The following FAIM variants were observed in gnomAD, a reference collection of about 807,000 sequenced individuals.
The protein encoded by FAIM is fas apoptotic inhibitory molecule 1.
Under a neutral mutation model 21.2 loss-of-function variants are expected in FAIM, and 14 were observed. The observed-to-expected ratio is 0.66, with a 90% confidence interval of 0.44 to 1.03. The LOEUF (loss-of-function observed/expected upper bound fraction) is 1.03, where lower values mean the gene tolerates loss of function less well. Among genes scored for constraint, FAIM ranks in the 50% least tolerant of loss-of-function variants. The probability of loss-of-function intolerance (pLI) is 0.00; values close to 1 mark genes in which losing one functional copy is unlikely to be tolerated. For missense variants in FAIM, 222 were observed against 247.1 expected (o/e 0.90, Z 0.68); for synonymous variants, 86 against 80.4 (o/e 1.07, Z -0.37).
At chr3:138,619,592 A>C in intron 1 of FAIM, 119 bp from the exon 2 acceptor site, 1 of 790,318 alleles carries the variant, frequency 1.3e-6, no homozygotes, top group Non-Finnish European at 2.1e-6. Flanking sequence ...AACTCCATGT[A>C]ATTTAATAAA....
chr3:138,628,465 T>TA (rs374171013), intron 4 of FAIM, among the ~76,000 whole-genome samples: 1 of 149,074 alleles, frequency 6.7e-6, no homozygotes, highest in Non-Finnish European at 1.5e-5. Context: ...CATCCTTCTT[T>TA]TTTATTTATT....
intron 5 of FAIM, chr3:138,631,139 C>CAA (rs202159717): frequency 2.1e-4 from 18 of 84,462 alleles, no homozygotes; most frequent in African/African-American, 6.1e-4. Flanking sequence ...GACCCTGTCT[C>CAA]AAAAAAAAAA....
At chr3:138,611,911 C>T (rs1318667629) in intron 1 of FAIM, among the ~76,000 whole-genome samples, 1 of 152,084 alleles carries the variant, frequency 6.6e-6, no homozygotes, top group East Asian at 1.9e-4. Flanking sequence ...CTAAATAAAC[C>T]TTTTTTCTTT....
intron 1 of FAIM, among the ~76,000 whole-genome samples, chr3:138,615,363 A>C (rs913655927): frequency 1.1e-4 from 17 of 152,210 alleles, no homozygotes; most frequent in Admixed American, 2.6e-4. Flanking sequence ...TGGGCATTTA[A>C]CTATTTGTTG....
At position 138,632,992 on chromosome 3, in the gene FAIM, A is replaced by G. The variant is rs1328134642; in HGVS notation, c.519A>G (p.Ile173Met). The change falls in exon 6 of 6, where the codon ATA (isoleucine) becomes ATG (methionine). Residue 173 changes from isoleucine (I) to methionine (M), a missense_variant. By Grantham distance (10) the Ile-to-Met change is conservative. Transcript: ENST00000360570. ...HFSIGNHDCYIKAVSSGKRKE... is the reference protein window; with the variant it reads ...HFSIGNHDCYMKAVSSGKRKE... The stretch of plus-strand genomic sequence containing the variant: ...GTATCGGGAACCATGACTGTTACAT[A>G]AAGGCTGTCAGTAGTGGGAAGCGGA... 2.5e-6 allele frequency: 4 copies of G among 1,613,886 alleles called. No individual in the cohort carries two copies. Among genetic ancestry groups the G allele is most frequent in the Admixed American group, 3.3e-5 (2 of 60,000 alleles).
intron 1 of FAIM, among the ~76,000 whole-genome samples, chr3:138,611,390 T>C (rs1429462356): frequency 6.6e-6 from 1 of 152,108 alleles, no homozygotes; most frequent in Non-Finnish European, 1.5e-5. Context: ...TGGTAAAATA[T>C]ATACAACATA....
At chr3:138,628,356 C>T (rs1331864301) in intron 4 of FAIM, among the ~76,000 whole-genome samples, 1 of 152,152 alleles carries the variant, frequency 6.6e-6, no homozygotes, top group Non-Finnish European at 1.5e-5. Context: ...TCTTTTGTGC[C>T]ATCACCCAGT....
intron 5 of FAIM, among the ~76,000 whole-genome samples, chr3:138,632,301 A>AT (rs1172449610): frequency 2.0e-5 from 3 of 151,762 alleles, no homozygotes; most frequent in African/African-American, 4.8e-5. Context: ...TATTTTATAC[A>AT]TTTTTTTGTT....
intron 3 of FAIM, among the ~76,000 whole-genome samples, 160 bp downstream of exon 3, chr3:138,621,699 C>T (rs1337492711): frequency 6.6e-6 from 1 of 152,100 alleles, no homozygotes; most frequent in African/African-American, 2.4e-5. Flanking sequence ...TTATAGAATT[C>T]ATGGAATATA....
intron 4 of FAIM, among the ~76,000 whole-genome samples, chr3:138,627,373 G>C (rs190669086): frequency 6.6e-6 from 1 of 151,828 alleles, no homozygotes; most frequent in African/African-American, 2.4e-5. Flanking sequence ...AGTAGAGACG[G>C]GGTTTCACCA....
intron 2 of FAIM, among the ~76,000 whole-genome samples, chr3:138,621,034 C>A (rs1343017160): frequency 3.3e-5 from 5 of 152,042 alleles, no homozygotes; most frequent in African/African-American, 1.2e-4. Context: ...AATTAATTAC[C>A]ATGGTTTTTA....
intron 1 of FAIM, among the ~76,000 whole-genome samples, chr3:138,616,578 C>T (rs942293873): frequency 3.3e-5 from 5 of 152,026 alleles, no homozygotes; most frequent in Admixed American, 6.6e-5. Context: ...AGGCTGGTCT[C>T]GAGTTCCTGG....
intron 4 of FAIM, among the ~76,000 whole-genome samples, chr3:138,626,903 A>G (rs1394455744): frequency 6.6e-6 from 1 of 152,140 alleles, no homozygotes; most frequent in Non-Finnish European, 1.5e-5. Flanking sequence ...AAGCAATGGT[A>G]TTTCAGGGTT....
intron 1 of FAIM, among the ~76,000 whole-genome samples, chr3:138,609,591 CGA>C (rs1468759622): frequency 4.4e-4 from 9 of 20,448 alleles, no homozygotes; most frequent in African/African-American, 6.2e-4. Flanking sequence ...CTCTCTCTCT[CGA>C]CTCTCTCTCT....
chr3:138,615,026 A>G lies in FAIM; in HGVS notation c.-16-4685A>G, dbSNP rs188022047. Among the ~76,000 whole-genome samples, 104 of 152,252 alleles carry G rather than the reference A, an allele frequency of 6.8e-4. 1 individual carries two copies. Among genetic ancestry groups the G allele is most frequent in the Admixed American group, 6.7e-3 (103 of 15,306 alleles). ...AAACCCATTGCAAGTTGAAAATATT[A>G]TAAGTTGAAAATGGATTTAGTACAC... On this transcript the variant is annotated intron_variant, in intron 1 of 5. Transcript: ENST00000360570.
intron 1 of FAIM, among the ~76,000 whole-genome samples, chr3:138,615,871 C>T (rs763102238): frequency 2.0e-5 from 3 of 152,210 alleles, no homozygotes; most frequent in Non-Finnish European, 4.4e-5. Flanking sequence ...GGTCATAAGA[C>T]TAGTGAAACT....
At chr3:138,621,179 T>A (rs2042880665) in intron 2 of FAIM, 4 of 486,092 alleles carry the variant, frequency 8.2e-6, no homozygotes, top group South Asian at 2.5e-5. Flanking sequence ...GGCTTTTTTT[T>A]AGAAGTAATC....
At chr3:138,626,139 G>A (rs1277842750) in intron 4 of FAIM, among the ~76,000 whole-genome samples, 3 of 152,214 alleles carry the variant, frequency 2.0e-5, no homozygotes, top group Admixed American at 6.5e-5. Flanking sequence ...TCATGCGGCT[G>A]AGGGAATCCG....
chr3:138,611,037 G>A, intron 1 of FAIM: 6 of 1,611,638 alleles, frequency 3.7e-6, no homozygotes, highest in Non-Finnish European at 4.2e-6. Flanking sequence ...GCCACTCTGA[G>A]GTTAGTGCCC....
Sources: allele counts gnomAD v4.1 joint callset (sites outside exome capture counted in the v4.1 genomes callset), GRCh38; gene constraint gnomAD v4.1.1; transcripts MANE v1.5; gene names NCBI Gene and HGNC (gene_info 2026-07-23, HGNC 2026-07-21).